Variants in CBLB observed in about 807,000 individuals in gnomAD.
CBLB encodes the protein Cbl proto-oncogene B.
CBLB carries 31 observed loss-of-function variants against 104.9 expected under a neutral mutation model. The observed-to-expected ratio is 0.30, with a 90% CI of 0.22 to 0.40. CBLB has a LOEUF of 0.40. CBLB is among the 10% of genes least tolerant of loss of function. CBLB has a pLI of 1.00. For missense variants in CBLB, 1,062 were observed against 1,214.6 expected (o/e 0.87, Z 1.87); for synonymous variants, 440 against 422.6 (o/e 1.04, Z -0.51).
chr3:105,671,208 G>A (rs548530831), intron 17 of CBLB: 1 of 200,168 alleles, frequency 5.0e-6, no homozygotes, highest in South Asian at 1.9e-4. Flanking sequence ...TTCCCTTTTT[G>A]AGTAGACAAA....
chr3:105,722,238 A>AAAGCAAG (rs1229497875), intron 9 of CBLB, among the ~76,000 whole-genome samples: 5 of 151,660 alleles, frequency 3.3e-5, no homozygotes, highest in Non-Finnish European at 7.4e-5. Context: ...AGAAAAAAAG[A>AAAGCAAG]AAGCAAGATC....
At chr3:105,745,380 C>T (rs1236712765) in intron 6 of CBLB, among the ~76,000 whole-genome samples, 1 of 152,194 alleles carries the variant, frequency 6.6e-6, no homozygotes, top group South Asian at 2.1e-4. Context: ...AATATAAATT[C>T]TGAGGCTATA....
At chr3:105,745,131 A>C (rs957273522) in intron 6 of CBLB, among the ~76,000 whole-genome samples, 3 of 152,212 alleles carry the variant, frequency 2.0e-5, no homozygotes, top group African/African-American at 7.2e-5. Context: ...GAGGACTCTG[A>C]CAAGCAGGTC....
intron 9 of CBLB, among the ~76,000 whole-genome samples, chr3:105,724,386 C>T (rs2073308977): frequency 6.6e-6 from 1 of 152,118 alleles, no homozygotes; most frequent in Admixed American, 6.5e-5. Flanking sequence ...GGAGCACAGA[C>T]ATTCTGAATT....
intron 3 of CBLB, among the ~76,000 whole-genome samples, chr3:105,847,540 G>T (rs2090423314): frequency 6.6e-6 from 1 of 151,784 alleles, no homozygotes; most frequent in South Asian, 2.1e-4. Flanking sequence ...TTCCTCTCTG[G>T]CCAGAGCTTT....
intron 6 of CBLB, 89 bp from the exon 7 acceptor site, chr3:105,740,720 T>A (rs1446486416): frequency 1.0e-5 from 12 of 1,170,586 alleles, no homozygotes; most frequent in African/African-American, 1.5e-5. Flanking sequence ...AGCAAAAGAA[T>A]AAACAATCAT....
At chr3:105,828,260 AG>A (rs980684390) in intron 3 of CBLB, among the ~76,000 whole-genome samples, 2 of 152,208 alleles carry the variant, frequency 1.3e-5, no homozygotes, top group African/African-American at 4.8e-5. Context: ...ACTTGCTCAC[AG>A]GGCCACATCA....
chr3:105,845,982 G>C (rs542884113), intron 3 of CBLB, among the ~76,000 whole-genome samples: 2 of 152,106 alleles, frequency 1.3e-5, no homozygotes, highest in Admixed American at 6.6e-5. Flanking sequence ...CTACATAAGA[G>C]ATTGATTACT....
intron 4 of CBLB, among the ~76,000 whole-genome samples, chr3:105,759,535 C>T (rs1367936282): frequency 1.3e-5 from 2 of 152,196 alleles, no homozygotes; most frequent in Non-Finnish European, 2.9e-5. Flanking sequence ...AGCCCAACCC[C>T]GTCGGCCTCC....
At chr3:105,695,375 A>G (rs2068236461) in intron 12 of CBLB, among the ~76,000 whole-genome samples, 1 of 151,824 alleles carries the variant, frequency 6.6e-6, no homozygotes, top group Non-Finnish European at 1.5e-5. Context: ...TCAAACATTT[A>G]CTGGTATTGA....
intron 3 of CBLB, among the ~76,000 whole-genome samples, chr3:105,786,448 C>T (rs958026850): frequency 1.3e-5 from 2 of 152,160 alleles, no homozygotes; most frequent in African/African-American, 4.8e-5. Flanking sequence ...AACCACGCTG[C>T]TTCGGCTTTC....
chr3:105,703,103 G>A (rs547555494), intron 11 of CBLB, among the ~76,000 whole-genome samples: 2 of 151,792 alleles, frequency 1.3e-5, no homozygotes, highest in Admixed American at 1.3e-4. Context: ...GAAATATAAA[G>A]GTATAGATCA....
intron 6 of CBLB, among the ~76,000 whole-genome samples, chr3:105,745,390 A>T (rs1484002065): frequency 6.6e-6 from 1 of 152,256 alleles, no homozygotes; most frequent in Non-Finnish European, 1.5e-5. Flanking sequence ...CTGAGGCTAT[A>T]ATAAAACACG....
At chr3:105,683,945 C>T (rs1044959229) in intron 14 of CBLB, among the ~76,000 whole-genome samples, 8 of 152,218 alleles carry the variant, frequency 5.3e-5, no homozygotes, top group African/African-American at 1.7e-4. Flanking sequence ...CAGACATCTG[C>T]TTAAAATGAA....
At chr3:105,868,286 G>T in intron 1 of CBLB, 8 of 1,143,634 alleles carry the variant, frequency 7.0e-6, no homozygotes, top group Non-Finnish European at 8.8e-6. Flanking sequence ...CGGAAAGGAG[G>T]AGTTCACTTC....
chr3:105,728,021 T>C (rs972137497), intron 9 of CBLB, among the ~76,000 whole-genome samples: 14 of 152,208 alleles, frequency 9.2e-5, no homozygotes, highest in African/African-American at 2.7e-4. Flanking sequence ...GTCTTGGTTA[T>C]ACGAGCTCTT....
rs148912505 is a variant in CBLB at position 105,707,630 on chromosome 3, T to G, written c.1408-3457A>C. Among the ~76,000 whole-genome samples, 329 of 152,284 alleles carry G rather than the reference T, an allele frequency of 2.2e-3. 2 individuals carry two copies. Among genetic ancestry groups the G allele is most frequent in the Admixed American group, 5.4e-3 (82 of 15,280 alleles). On this transcript the variant is annotated intron_variant, in intron 10 of 18. Transcript: ENST00000394030. ...CACTATGAAGATTTGTAAACATTTT[T>G]AGTAGGTAATGTTCATATAGAAGGT...
At chr3:105,670,571 G>C in intron 17 of CBLB, 2 of 523,512 alleles carry the variant, frequency 3.8e-6, no homozygotes, top group Non-Finnish European at 6.8e-6. Flanking sequence ...AGATAATAAA[G>C]ACTACTTGTT....
chr3:105,824,642 A>T (rs2086325745), intron 3 of CBLB, among the ~76,000 whole-genome samples: 1 of 152,006 alleles, frequency 6.6e-6, no homozygotes, highest in South Asian at 2.1e-4. Flanking sequence ...TTCACAACTA[A>T]ATTATAGTAA....
Sources: allele counts gnomAD v4.1 joint callset (sites outside exome capture counted in the v4.1 genomes callset), GRCh38; gene constraint gnomAD v4.1.1; transcripts MANE v1.5; gene names NCBI Gene and HGNC (gene_info 2026-07-23, HGNC 2026-07-21).